RALGAPA2: variants seen among roughly 807,000 people sequenced by gnomAD.
RALGAPA2 encodes ral GTPase-activating protein subunit alpha-2.
Under a neutral mutation model 230.4 loss-of-function variants are expected in RALGAPA2, and 139 were observed. The observed-to-expected ratio is 0.60, with a 90% CI of 0.53 to 0.69. The LOEUF (loss-of-function observed/expected upper bound fraction) is 0.69, where lower values mean the gene tolerates loss of function less well. Among genes scored for constraint, RALGAPA2 ranks in the 30% least tolerant of loss-of-function variants. RALGAPA2 has a pLI of 0.00. For missense variants in RALGAPA2, 2,163 were observed against 2,276.0 expected (o/e 0.95, Z 1.01); for synonymous variants, 847 against 837.8 (o/e 1.01, Z -0.19).
At chr20:20,455,107 A>G (rs1453807121) in intron 37 of RALGAPA2, among the ~76,000 whole-genome samples, 1 of 152,238 alleles carries the variant, frequency 6.6e-6, no homozygotes, top group Non-Finnish European at 1.5e-5. Flanking sequence ...CACATTACAA[A>G]CAGAATGTGT....
At chr20:20,711,994 A>T (rs1239298169) in intron 1 of RALGAPA2, among the ~76,000 whole-genome samples, 2 of 152,046 alleles carry the variant, frequency 1.3e-5, no homozygotes, top group Non-Finnish European at 2.9e-5. Flanking sequence ...CAGACTCAAA[A>T]ATAAAATTTT....
At chr20:20,600,672 A>G (rs2065612673) in intron 16 of RALGAPA2, among the ~76,000 whole-genome samples, 1 of 152,240 alleles carries the variant, frequency 6.6e-6, no homozygotes, top group Non-Finnish European at 1.5e-5. Flanking sequence ...TTCTGAAGTC[A>G]ACATGTTAAA....
chr20:20,558,448 T>A (rs2064155170), intron 23 of RALGAPA2, among the ~76,000 whole-genome samples: 1 of 152,244 alleles, frequency 6.6e-6, no homozygotes, highest in South Asian at 2.1e-4. Context: ...AGATGATTGC[T>A]TCAGCTTAAA....
At chr20:20,609,084 C>T (rs1379766712) in intron 14 of RALGAPA2, among the ~76,000 whole-genome samples, 1 of 152,150 alleles carries the variant, frequency 6.6e-6, no homozygotes, top group Non-Finnish European at 1.5e-5. Context: ...CAGCCTCAAC[C>T]TCCCGGGTTC....
intron 1 of RALGAPA2, among the ~76,000 whole-genome samples, chr20:20,706,479 G>C (rs187991291): frequency 1.3e-5 from 2 of 152,184 alleles, no homozygotes; most frequent in East Asian, 3.8e-4. Context: ...GAATGTCCAC[G>C]TGGCATTAAT....
At chr20:20,466,871 T>A (rs951246211) in intron 37 of RALGAPA2, among the ~76,000 whole-genome samples, 3 of 152,204 alleles carry the variant, frequency 2.0e-5, no homozygotes, top group Admixed American at 1.3e-4. Flanking sequence ...CATTTTGCCC[T>A]CTTAAACCTC....
At chr20:20,656,311 A>G (rs959512927) in intron 3 of RALGAPA2, among the ~76,000 whole-genome samples, 5 of 152,258 alleles carry the variant, frequency 3.3e-5, no homozygotes, top group South Asian at 2.1e-4. Flanking sequence ...AACATTTACG[A>G]GTATTTATAT....
At chr20:20,588,178 C>G (rs1602958250) in intron 18 of RALGAPA2, among the ~76,000 whole-genome samples, 1 of 152,026 alleles carries the variant, frequency 6.6e-6, no homozygotes. Context: ...CAAGAATGTA[C>G]ATGGCTACAG....
chr20:20,602,858 CAT>C (rs1268068514), intron 15 of RALGAPA2, among the ~76,000 whole-genome samples: 5 of 151,630 alleles, frequency 3.3e-5, no homozygotes, highest in Non-Finnish European at 5.9e-5. Flanking sequence ...TGTATGCACA[CAT>C]GTGCACTCGT....
At chr20:20,457,900 C>T (rs375781851) in intron 37 of RALGAPA2, among the ~76,000 whole-genome samples, 9 of 152,278 alleles carry the variant, frequency 5.9e-5, no homozygotes, top group Middle Eastern at 3.4e-3. Flanking sequence ...GAACATGCCA[C>T]GTGGGCATCT....
chr20:20,482,515 T>G (rs1047064095), intron 36 of RALGAPA2, among the ~76,000 whole-genome samples: 3 of 151,922 alleles, frequency 2.0e-5, no homozygotes. Flanking sequence ...AATGAAAAGA[T>G]GAGGTGGGTC....
intron 37 of RALGAPA2, among the ~76,000 whole-genome samples, chr20:20,428,929 A>G (rs1250487159): frequency 6.6e-6 from 1 of 152,144 alleles, no homozygotes; most frequent in Non-Finnish European, 1.5e-5. Flanking sequence ...TGTACTGAGT[A>G]TTATAGTATA....
rs1602601995 is a variant in RALGAPA2 at position 20,512,587 on chromosome 20, T to C, written c.4782A>G (p.Pro1594=). 1 of 1,613,874 alleles carries C rather than the reference T, an allele frequency of 6.2e-7. No homozygotes were observed. The highest frequency in any genetic ancestry group is 2.2e-5 in the East Asian group (1 of 44,868). Residue 1594 remains proline (P), a synonymous_variant, in exon 32 of 40, where the codon CCA becomes CCG. Coordinates refer to ENST00000202677, the MANE Select transcript of RALGAPA2 (RefSeq NM_020343.4). ...MKVTSQGQPS[P]VEPRGPFYFC... is the part of the protein sequence containing the mutation. ...AATAAAAGGGTCCTCGGGGCTCCACTGGGGAGGGCTGCCCTTGGCTGGTGA... is the reference window on the plus strand; with the variant it reads ...AATAAAAGGGTCCTCGGGGCTCCACCGGGGAGGGCTGCCCTTGGCTGGTGA...
chr20:20,693,311 T>C (rs1335235521), intron 1 of RALGAPA2, among the ~76,000 whole-genome samples: 1 of 152,210 alleles, frequency 6.6e-6, no homozygotes, highest in Non-Finnish European at 1.5e-5. Flanking sequence ...TTAACAGATA[T>C]CAAATACCAA....
chr20:20,412,537 C>T (rs1569373461), intron 37 of RALGAPA2, among the ~76,000 whole-genome samples: 1 of 152,168 alleles, frequency 6.6e-6, no homozygotes, highest in African/African-American at 2.4e-5. Flanking sequence ...AGCCTACTGA[C>T]ATATGAGTTG....
At chr20:20,615,928 C>A in intron 13 of RALGAPA2, 115 bp downstream of exon 13, 1 of 795,970 alleles carries the variant, frequency 1.3e-6, no homozygotes, top group Non-Finnish European at 1.8e-6. Context: ...TTACAAAAGA[C>A]ATTTTGTTGT....
rs1300462334 is a variant in RALGAPA2, at chr20:20,637,516, T to G, written c.667-15A>C. 6.5e-7 allele frequency: 1 copy of G among 1,544,750 alleles called. No individual in the cohort carries two copies. Among genetic ancestry groups the G allele is most frequent in the Non-Finnish European group, 8.7e-7 (1 of 1,142,920 alleles). Reference sequence around the variant, plus strand: ...AAGCTCGCAGCCTTTGGATAATATGTGGAAAAGAACATATGTATATTTATA... The same window carrying G: ...AAGCTCGCAGCCTTTGGATAATATGGGGAAAAGAACATATGTATATTTATA... On this transcript the variant is annotated splice_polypyrimidine_tract_variant and intron_variant, in intron 7 of 39. Transcript: ENST00000202677.
intron 37 of RALGAPA2, among the ~76,000 whole-genome samples, chr20:20,412,734 G>C (rs2060087493): frequency 6.6e-6 from 1 of 152,018 alleles, no homozygotes; most frequent in South Asian, 2.1e-4. Context: ...AGAGTGCACA[G>C]TGCAATTTAA....
chr20:20,588,861 T>C (rs73901546), intron 18 of RALGAPA2, among the ~76,000 whole-genome samples: 4,645 of 147,126 alleles, frequency 0.032, 247 homozygotes, highest in African/African-American at 0.12. Context: ...TGCCATTTTA[T>C]GTTTTTTGTT....
Sources: allele counts gnomAD v4.1 joint callset (sites outside exome capture counted in the v4.1 genomes callset), GRCh38; gene constraint gnomAD v4.1.1; transcripts MANE v1.5; gene names NCBI Gene and HGNC (gene_info 2026-07-23, HGNC 2026-07-21).